The following DOCK7 variants were observed in gnomAD, a reference collection of about 807,000 sequenced individuals.
DOCK7 encodes dedicator of cytokinesis protein 7.
DOCK7 carries 138 observed loss-of-function variants against 271.0 expected under a neutral mutation model. That is an observed-to-expected ratio of 0.51 (90% CI 0.44 to 0.59). DOCK7 has a LOEUF of 0.59. Among genes scored for constraint, DOCK7 ranks in the 20% least tolerant of loss-of-function variants. The pLI is 0.00. For missense variants in DOCK7, 2,066 were observed against 2,592.4 expected (o/e 0.80, Z 4.41); for synonymous variants, 823 against 876.1 (o/e 0.94, Z 1.07).
chr1:62,686,933 C>G (rs1453489091), intron 1 of DOCK7, among the ~76,000 whole-genome samples: 3 of 151,894 alleles, frequency 2.0e-5, no homozygotes, highest in African/African-American at 7.3e-5. Flanking sequence ...GGTGCAACAC[C>G]ACACCTGGCT....
intron 18 of DOCK7, among the ~76,000 whole-genome samples, chr1:62,562,324 C>A (rs1203551894): frequency 2.0e-5 from 3 of 148,116 alleles, no homozygotes; most frequent in African/African-American, 7.4e-5. Context: ...CTCCACCTCC[C>A]AGGTTCAAAG....
intron 1 of DOCK7, among the ~76,000 whole-genome samples, chr1:62,684,695 A>G (rs1428114968): frequency 6.6e-6 from 1 of 152,232 alleles, no homozygotes; most frequent in Non-Finnish European, 1.5e-5. Context: ...TACAGTCTAC[A>G]TTCCATAAAT....
chr1:62,506,392 CATCTTGGGATCAGTT>C (rs1454239621), intron 35 of DOCK7, among the ~76,000 whole-genome samples: 1 of 152,122 alleles, frequency 6.6e-6, no homozygotes, highest in Non-Finnish European at 1.5e-5. Flanking sequence ...CTCAAGCAAC[CATCTTGGGATCAGTT>C]ATCTTGGACT....
intron 18 of DOCK7, among the ~76,000 whole-genome samples, chr1:62,576,943 C>T (rs1646958389): frequency 6.6e-6 from 1 of 152,048 alleles, no homozygotes; most frequent in African/African-American, 2.4e-5. Flanking sequence ...AAGAAATATT[C>T]ATTTATTTAA....
intron 48 of DOCK7, among the ~76,000 whole-genome samples, chr1:62,472,045 T>TC (rs1222082946): frequency 6.6e-6 from 1 of 152,160 alleles, no homozygotes; most frequent in Non-Finnish European, 1.5e-5. Context: ...TGGCTATAAC[T>TC]CCTTTGTAAG....
chr1:62,654,006 C>A lies in DOCK7; in HGVS notation c.298G>T (p.Val100Phe). Residue 100 changes from valine to phenylalanine, a missense_variant, in exon 3 of 50, where the codon GTT becomes TTT. Val to Phe is a conservative substitution (Grantham distance 50). Around this residue, in one of 2 missense-constraint regions of DOCK7, gnomAD observed 1,414 missense variants for 1,670.4 expected, o/e 0.85. Transcript: ENST00000635253. ...TACCTTTCTTCAGGTACAGCTGAAA[C>A]AAGAGTTCTGCAGTCCCGAGGACTA... is the stretch of plus-strand genomic sequence containing the variant. ...VYSPRDCRTL[V>F]SAVPEESEMD... is the part of the protein sequence containing the mutation. 2 of 1,613,522 alleles carry A rather than the reference C, an allele frequency of 1.2e-6. No individual in the cohort carries two copies. Among genetic ancestry groups the A allele is most frequent in the Non-Finnish European group, 1.7e-6 (2 of 1,179,750 alleles).
At chr1:62,484,426 A>G (rs1244013763) in intron 43 of DOCK7, 3 of 152,202 alleles carry the variant, frequency 2.0e-5, no homozygotes, top group Non-Finnish European at 4.4e-5. Context: ...TGAAAAATTT[A>G]AACTTGTATT....
At chr1:62,642,084 T>C (rs1158988879) in intron 7 of DOCK7, among the ~76,000 whole-genome samples, 1 of 151,688 alleles carries the variant, frequency 6.6e-6, no homozygotes, top group Non-Finnish European at 1.5e-5. Context: ...GATTCATTTC[T>C]AGCAGCTTTT....
chr1:62,586,080 C>G (rs1160156340), intron 15 of DOCK7, among the ~76,000 whole-genome samples: 1 of 152,134 alleles, frequency 6.6e-6, no homozygotes, highest in Non-Finnish European at 1.5e-5. Context: ...ATAACACAGC[C>G]TCATATACCA....
At chr1:62,607,540 C>T (rs1651178795) in intron 14 of DOCK7, among the ~76,000 whole-genome samples, 1 of 152,178 alleles carries the variant, frequency 6.6e-6, no homozygotes, top group Non-Finnish European at 1.5e-5. Context: ...TTTTACGTCC[C>T]TCTCCCTGTC....
At chr1:62,555,739 C>T in intron 21 of DOCK7, 86 bp downstream of exon 21, 2 of 1,419,148 alleles carry the variant, frequency 1.4e-6, no homozygotes, top group Non-Finnish European at 1.9e-6. Context: ...ATAAATGGAT[C>T]ACAGTATGGA....
chr1:62,616,749 A>C (rs1224714768), intron 14 of DOCK7, among the ~76,000 whole-genome samples: 3 of 151,800 alleles, frequency 2.0e-5, no homozygotes, highest in Non-Finnish European at 3.0e-5. Context: ...CATCATATCA[A>C]TATGTCAACA....
chr1:62,538,659 G>A (rs1645427307), intron 27 of DOCK7, among the ~76,000 whole-genome samples: 1 of 152,162 alleles, frequency 6.6e-6, no homozygotes, highest in South Asian at 2.1e-4. Flanking sequence ...GTGGGTGAGT[G>A]CCCATGCATA....
At chr1:62,603,126 T>C (rs1337291052) in intron 14 of DOCK7, among the ~76,000 whole-genome samples, 2 of 151,688 alleles carry the variant, frequency 1.3e-5, no homozygotes, top group African/African-American at 4.8e-5. Flanking sequence ...CAGTGATAAG[T>C]TTTGTAGCTC....
chr1:62,572,457 A>G (rs1646813476), intron 18 of DOCK7, among the ~76,000 whole-genome samples: 1 of 152,222 alleles, frequency 6.6e-6, no homozygotes, highest in Non-Finnish European at 1.5e-5. Flanking sequence ...AGGCACAGAA[A>G]GTGTCTTAGT....
At chr1:62,658,917 CACTCCACCCTGGGTGACAGAGTGAG>C (rs1658338772) in intron 2 of DOCK7, among the ~76,000 whole-genome samples, 1 of 150,768 alleles carries the variant, frequency 6.6e-6, no homozygotes, top group South Asian at 2.1e-4. Context: ...TGCACCACTA[CACTCCACCCTGGGTGACAGAGTGAG>C]ACCCCTGTCT....
chr1:62,539,947 C>A, intron 25 of DOCK7, 55 bp from the exon 26 acceptor site: 2 of 1,211,952 alleles, frequency 1.7e-6, no homozygotes, highest in South Asian at 1.7e-5. Flanking sequence ...ACAATTACAA[C>A]AACTCTAAAC....
intron 11 of DOCK7, among the ~76,000 whole-genome samples, chr1:62,627,340 C>T (rs186657612): frequency 6.6e-6 from 1 of 152,214 alleles, no homozygotes; most frequent in Admixed American, 6.5e-5. Flanking sequence ...AGGATATCCA[C>T]TCTTGTCATT....
At chr1:62,626,540 G>A (rs1012696029) in intron 11 of DOCK7, among the ~76,000 whole-genome samples, 3 of 149,598 alleles carry the variant, frequency 2.0e-5, no homozygotes, top group Non-Finnish European at 4.4e-5. Context: ...TGAAAGAAGA[G>A]ATATCATTTA....
Sources: allele counts gnomAD v4.1 joint callset (sites outside exome capture counted in the v4.1 genomes callset), GRCh38; gene constraint gnomAD v4.1.1; regional missense constraint gnomAD v4.1.1; transcripts MANE v1.5; gene names NCBI Gene and HGNC (gene_info 2026-07-23, HGNC 2026-07-21).